The following DLC1 variants were observed in gnomAD, a reference collection of about 807,000 sequenced individuals.
DLC1 encodes DLC1 Rho GTPase activating protein.
DLC1 carries 54 observed loss-of-function variants against 140.3 expected under a neutral mutation model. The ratio of observed to expected loss-of-function variants is 0.38; its 90% confidence interval spans 0.31 to 0.48. The LOEUF (loss-of-function observed/expected upper bound fraction) is 0.48, where lower values mean the gene tolerates loss of function less well. DLC1 is among the 20% of genes least tolerant of loss of function. The pLI is 0.96. For missense variants in DLC1, 2,536 were observed against 1,907.0 expected (o/e 1.33, Z -6.14); for synonymous variants, 986 against 728.1 (o/e 1.35, Z -5.70).
chr8:13,259,064 G>A (rs1586021605), intron 5 of DLC1, among the ~76,000 whole-genome samples: 1 of 146,452 alleles, frequency 6.8e-6, no homozygotes, highest in South Asian at 2.2e-4. Context: ...GTGAACCCGG[G>A]AGGCGGAGGT....
At chr8:13,423,862 G>A (rs912086954) in intron 2 of DLC1, among the ~76,000 whole-genome samples, 4 of 152,054 alleles carry the variant, frequency 2.6e-5, no homozygotes, top group South Asian at 4.1e-4. Context: ...TATTCTAAAC[G>A]TCCTTGTGGA....
At chr8:13,390,022 A>G (rs551692538) in intron 4 of DLC1, among the ~76,000 whole-genome samples, 23 of 152,290 alleles carry the variant, frequency 1.5e-4, no homozygotes, top group African/African-American at 5.1e-4. Context: ...AAGTATCTAG[A>G]CTGTTATTAC....
intron 5 of DLC1, among the ~76,000 whole-genome samples, chr8:13,275,421 G>C (rs895133961): frequency 2.0e-5 from 3 of 152,170 alleles, no homozygotes; most frequent in African/African-American, 4.8e-5. Context: ...TGACCAAAGA[G>C]GTTAAGAAAA....
At chr8:13,475,552 T>C (rs890453826) in intron 2 of DLC1, among the ~76,000 whole-genome samples, 33 of 152,202 alleles carry the variant, frequency 2.2e-4, no homozygotes, top group Non-Finnish European at 1.6e-4. Flanking sequence ...CTATTCTGAA[T>C]AGCGACCATA....
chr8:13,355,938 A>T (rs1024499868), intron 4 of DLC1, among the ~76,000 whole-genome samples: 19 of 151,444 alleles, frequency 1.3e-4, no homozygotes, highest in African/African-American at 1.9e-4. Context: ...AAATTCAAAA[A>T]AATTAGCCAG....
At chr8:13,547,915 G>T (rs1803708165) in intron 1 of DLC1, among the ~76,000 whole-genome samples, 1 of 151,830 alleles carries the variant, frequency 6.6e-6, no homozygotes. Context: ...TTGTCTTCCG[G>T]ATGAAATTGC....
intron 4 of DLC1, among the ~76,000 whole-genome samples, chr8:13,329,791 G>A (rs1380814560): frequency 1.3e-5 from 2 of 151,998 alleles, no homozygotes; most frequent in Non-Finnish European, 2.9e-5. Flanking sequence ...AGCTGTGTAT[G>A]TATTTTCTTT....
chr8:13,471,288 A>G (rs1181597240), intron 2 of DLC1, among the ~76,000 whole-genome samples: 1 of 151,594 alleles, frequency 6.6e-6, no homozygotes, highest in Non-Finnish European at 1.5e-5. Flanking sequence ...TGCTAAGAGG[A>G]TAGGTCTTAA....
chr8:13,117,618 A>G (rs974161502), intron 5 of DLC1, among the ~76,000 whole-genome samples: 2 of 152,260 alleles, frequency 1.3e-5, no homozygotes, highest in Admixed American at 6.5e-5. Flanking sequence ...CTTAGAGGTT[A>G]TTTTCATTGA....
chr8:13,454,670 T>A (rs1213943641), intron 2 of DLC1, among the ~76,000 whole-genome samples: 1 of 152,182 alleles, frequency 6.6e-6, no homozygotes. Flanking sequence ...TCATCCTGCC[T>A]CAGCTGGCCA....
chr8:13,406,181 G>GTGTTTTTTT (rs1554514492), intron 2 of DLC1, among the ~76,000 whole-genome samples: 1 of 84,960 alleles, frequency 1.2e-5, no homozygotes, highest in African/African-American at 4.8e-5. Flanking sequence ...TAATTTTTGT[G>GTGTTTTTTT]TTTTTTTTTT....
intron 4 of DLC1, among the ~76,000 whole-genome samples, chr8:13,322,085 AC>A (rs1833150263): frequency 1.3e-5 from 2 of 152,214 alleles, no homozygotes; most frequent in East Asian, 3.8e-4. Context: ...TTGGTGTTTT[AC>A]ATGTACTTTT....
At chr8:13,240,140 C>T (rs1339992497) in intron 5 of DLC1, among the ~76,000 whole-genome samples, 8 of 152,050 alleles carry the variant, frequency 5.3e-5, no homozygotes, top group Admixed American at 6.5e-5. Flanking sequence ...GTGGAAGTTA[C>T]ACCTCAAGTA....
intron 7 of DLC1, 110 bp from the exon 8 acceptor site, chr8:13,102,963 G>T: frequency 1.1e-6 from 1 of 872,368 alleles, no homozygotes; most frequent in Non-Finnish European, 1.8e-6. Context: ...TTGAAACTCA[G>T]TAATACCTAA....
intron 5 of DLC1, among the ~76,000 whole-genome samples, chr8:13,202,667 T>TTTTTTAA (rs1215503736): frequency 6.6e-6 from 1 of 152,152 alleles, no homozygotes; most frequent in African/African-American, 2.4e-5. Flanking sequence ...CCTTTAATTT[T>TTTTTTAA]TTTTTAATTT....
intron 2 of DLC1, among the ~76,000 whole-genome samples, chr8:13,457,695 A>G (rs1250285707): frequency 1.3e-5 from 2 of 151,054 alleles, no homozygotes; most frequent in African/African-American, 4.9e-5. Context: ...AAAAAAAAAA[A>G]AAAAAAGAAA....
chr8:13,484,810 T>G (rs945810914), intron 2 of DLC1, among the ~76,000 whole-genome samples: 3 of 151,728 alleles, frequency 2.0e-5, no homozygotes, highest in African/African-American at 7.3e-5. Context: ...AAAAAGTCCA[T>G]CTCGTCCTTC....
intron 5 of DLC1, among the ~76,000 whole-genome samples, chr8:13,188,274 G>C (rs557097417): frequency 1.3e-5 from 2 of 151,276 alleles, no homozygotes; most frequent in Non-Finnish European, 3.0e-5. Context: ...TAGAGAAGGG[G>C]TTTCACCACA....
intron 5 of DLC1, among the ~76,000 whole-genome samples, chr8:13,142,612 G>A (rs931983555): frequency 5.9e-5 from 9 of 152,160 alleles, no homozygotes; most frequent in Non-Finnish European, 1.0e-4. Flanking sequence ...ACATATTTAT[G>A]AGAAATAAAA....
Sources: allele counts gnomAD v4.1 joint callset (sites outside exome capture counted in the v4.1 genomes callset), GRCh38; gene constraint gnomAD v4.1.1; transcripts MANE v1.5; gene names NCBI Gene and HGNC (gene_info 2026-07-23, HGNC 2026-07-21).